The following SUGCT variants were observed in gnomAD, a reference collection of about 807,000 sequenced individuals.
SUGCT encodes succinyl-CoA:glutarate CoA-transferase.
Under a neutral mutation model 55.0 loss-of-function variants are expected in SUGCT, and 41 were observed. That is an observed-to-expected ratio of 0.74 (90% CI 0.58 to 0.97). SUGCT has a LOEUF of 0.97. Ranked by LOEUF, SUGCT falls within the 50% of genes least tolerant of loss-of-function variation. The pLI is 0.00. For synonymous variants in SUGCT, 187 were observed against 200.4 expected (o/e 0.93, Z 0.56); for missense variants, 568 against 547.8 (o/e 1.04, Z -0.37).
the SUGCT span, chr7:40,979,765 T>C: frequency 2.0e-5 from 3 of 152,148 alleles, no homozygotes; most frequent in African/African-American, 2.4e-5. Context: ...TATCCATTGG[T>C]ATAAGGGAAA....
chr7:40,906,416 C>T, the SUGCT span, among the ~76,000 whole-genome samples: 4 of 152,212 alleles, frequency 2.6e-5, no homozygotes, highest in Admixed American at 2.0e-4. Context: ...CTAAAATAAA[C>T]GTAGGAACAA....
Position 40,247,906 on chromosome 7 carries a change from T to A in SUGCT, c.576+10180T>A, listed in dbSNP as rs184878034. Among the ~76,000 whole-genome samples, 116 of 152,330 alleles carry A rather than the reference T, an allele frequency of 7.6e-4. 1 individual carries two copies. The highest frequency in any genetic ancestry group is 2.9e-3 in the Admixed American group (45 of 15,302). On this transcript the variant is annotated intron_variant, in intron 7 of 13. Coordinates refer to ENST00000335693, the MANE Select transcript of SUGCT (RefSeq NM_001193313.2). ...CAAATTAGTTAATTTATTTTCTTTA[T>A]GGTTAATGTGTTTTATGTCCTCTTT...
intron 1 of SUGCT, among the ~76,000 whole-genome samples, chr7:40,137,212 C>T (rs376812618): frequency 5.8e-4 from 88 of 152,220 alleles, no homozygotes; most frequent in Middle Eastern, 3.4e-3. Flanking sequence ...ACTGCATCCT[C>T]GACCTCCTGG....
rs386409972 is a variant in SUGCT, at chr7:40,274,073, C to CTTTTTTTTTT, written c.577-424_577-415dup. On this transcript the variant is annotated intron_variant, in intron 7 of 13. Coordinates refer to ENST00000335693, the MANE Select transcript of SUGCT (RefSeq NM_001193313.2). ...GAGGTTTGACCAGATTTTTTACCTT[C>CTTTTTTTTTT]TTTTTTTTTTTTTTTTTTTTTTTTT... Among the ~76,000 whole-genome samples the CTTTTTTTTTT allele has an allele frequency of 2.1e-3, 141 of 68,010 alleles. 17 individuals carry two copies. Among genetic ancestry groups the CTTTTTTTTTT allele is most frequent in the Admixed American group, 6.2e-3 (23 of 3,726 alleles). 44.6% of individuals were successfully genotyped at this position (68,010 alleles called of 152,430 possible).
chr7:40,191,524 T>C (rs1484257403), intron 5 of SUGCT, among the ~76,000 whole-genome samples: 1 of 152,224 alleles, frequency 6.6e-6, no homozygotes, highest in Non-Finnish European at 1.5e-5. Flanking sequence ...AAAATCATCC[T>C]GATCTTACCA....
chr7:40,445,419 A>G (rs1788769176), intron 9 of SUGCT, among the ~76,000 whole-genome samples: 1 of 152,192 alleles, frequency 6.6e-6, no homozygotes, highest in African/African-American at 2.4e-5. Flanking sequence ...AAATTCCTGG[A>G]CACATACACC....
At chr7:40,349,409 C>CACGA (rs1797497961) in intron 9 of SUGCT, among the ~76,000 whole-genome samples, 1 of 152,080 alleles carries the variant, frequency 6.6e-6, no homozygotes, top group Non-Finnish European at 1.5e-5. Flanking sequence ...AGTGCAGTGG[C>CACGA]TCAATCTCAG....
At chr7:41,019,500 C>T in the SUGCT span, among the ~76,000 whole-genome samples, 1 of 152,298 alleles carries the variant, frequency 6.6e-6, no homozygotes, top group African/African-American at 2.4e-5. Context: ...GAAATCCAAC[C>T]TGTTCATATA....
rs945106199 is a variant in SUGCT at position 40,181,950 on chromosome 7, T to C, written c.153-5T>C. The C allele has an allele frequency of 3.4e-5, 52 of 1,551,076 alleles. No individual in the cohort carries two copies. In the Admixed American group the frequency reaches 9.3e-4, roughly 28 times the overall value. On this transcript the variant is annotated splice_region_variant and splice_polypyrimidine_tract_variant and intron_variant, in intron 2 of 13. Coordinates refer to ENST00000335693, the MANE Select transcript of SUGCT (RefSeq NM_001193313.2). ...TTAATTTATTTATCATTTTTAACATTGTAGAGTCCTGGCGGGACCTTTTGC... is the reference window on the plus strand; with the variant it reads ...TTAATTTATTTATCATTTTTAACATCGTAGAGTCCTGGCGGGACCTTTTGC...
chr7:40,534,145 A>G (rs898521042), intron 12 of SUGCT, among the ~76,000 whole-genome samples: 1 of 152,178 alleles, frequency 6.6e-6, no homozygotes, highest in African/African-American at 2.4e-5. Context: ...TGATCTTACT[A>G]TGTTCTCTTA....
Position 40,796,403 on chromosome 7 carries a change from A to G in SUGCT, c.1153+46906A>G, listed in dbSNP as rs556320393. ...CTGAGAAGATGCTTGGGAGGATGGCAACTTGGTAGACTTCATACTAACAAG... is the reference window on the plus strand; with the variant it reads ...CTGAGAAGATGCTTGGGAGGATGGCGACTTGGTAGACTTCATACTAACAAG... On this transcript the variant is annotated intron_variant, in intron 13 of 13. Coordinates refer to ENST00000335693, the MANE Select transcript of SUGCT (RefSeq NM_001193313.2). Among the ~76,000 whole-genome samples the G allele has an allele frequency of 2.7e-3, 410 of 152,308 alleles. 1 individual carries two copies. The highest frequency in any genetic ancestry group is 4.4e-3 in the Non-Finnish European group (302 of 68,018).
chr7:40,336,725 G>A (rs1450191362), intron 9 of SUGCT, among the ~76,000 whole-genome samples: 1 of 152,070 alleles, frequency 6.6e-6, no homozygotes, highest in Non-Finnish European at 1.5e-5. Context: ...ATTTTTTGAA[G>A]GGTTTTTTGT....
intron 13 of SUGCT, among the ~76,000 whole-genome samples, chr7:40,802,443 A>G (rs1469528460): frequency 3.3e-5 from 5 of 152,180 alleles, no homozygotes; most frequent in Non-Finnish European, 1.5e-5. Context: ...TTCTGGGTCT[A>G]CATTTACTGT....
rs80171869 is a variant in SUGCT, at chr7:40,829,870, G to C, written c.1154-30446G>C. On this transcript the variant is annotated intron_variant, in intron 13 of 13. Transcript: ENST00000335693. ...TCACATTTCCACACAGACACCAAAA[G>C]CATATAGAAAACTCAATTCATGTAG... is the stretch of plus-strand genomic sequence containing the variant. Among the ~76,000 whole-genome samples, 287 of 152,156 alleles carry C rather than the reference G, an allele frequency of 1.9e-3. 13 individuals are homozygous for C. In the East Asian group the frequency reaches 0.048, roughly 25 times the overall value.
At chr7:40,214,115 G>A (rs1392723936) in intron 6 of SUGCT, among the ~76,000 whole-genome samples, 5 of 152,166 alleles carry the variant, frequency 3.3e-5, no homozygotes, top group East Asian at 1.9e-4. Context: ...GCTAAGCTAT[G>A]TACTCTCTCC....
At chr7:40,270,134 TCA>T (rs1791909387) in intron 7 of SUGCT, among the ~76,000 whole-genome samples, 1 of 99,986 alleles carries the variant, frequency 1.0e-5, no homozygotes. Flanking sequence ...AGACCCTTTC[TCA>T]AAAAAAAAAA....
At chr7:40,222,211 C>T (rs1005215631) in intron 6 of SUGCT, among the ~76,000 whole-genome samples, 1 of 152,196 alleles carries the variant, frequency 6.6e-6, no homozygotes, top group Non-Finnish European at 1.5e-5. Context: ...GGTGAGATAT[C>T]CCCAGTGATG....
At chr7:40,483,290 C>T (rs1791154460) in intron 11 of SUGCT, among the ~76,000 whole-genome samples, 1 of 151,992 alleles carries the variant, frequency 6.6e-6, no homozygotes, top group African/African-American at 2.4e-5. Context: ...TGGAATGCAC[C>T]CCTGTACCAA....
intron 8 of SUGCT, among the ~76,000 whole-genome samples, chr7:40,292,828 G>A (rs1172700099): frequency 6.6e-6 from 1 of 152,250 alleles, no homozygotes; most frequent in Admixed American, 6.5e-5. Context: ...TTTAACTACA[G>A]AAGCTCTTGA....
Sources: gnomAD v4.1 joint callset for allele counts (sites outside exome capture counted in the v4.1 genomes callset) on GRCh38, gnomAD v4.1.1 for gene constraint, MANE v1.5 for transcripts, NCBI Gene and HGNC (gene_info 2026-07-23, HGNC 2026-07-21) for gene names.